Variants in SIRPA observed in about 807,000 individuals in gnomAD.
SIRPA encodes signal regulatory protein alpha, also known as tyrosine-protein phosphatase non-receptor type substrate 1.
Under a neutral mutation model 50.3 loss-of-function variants are expected in SIRPA, and 9 were observed. The observed-to-expected ratio is 0.18, with a 90% confidence interval of 0.11 to 0.31. The LOEUF (loss-of-function observed/expected upper bound fraction) is 0.31. Among genes scored for constraint, SIRPA ranks in the 10% least tolerant of loss-of-function variants. The pLI, the probability that SIRPA is intolerant of heterozygous loss-of-function variation, is 1.00. For missense variants in SIRPA, 474 were observed against 661.6 expected, an observed-to-expected ratio of 0.72 and a Z score of 3.11; for synonymous variants, 265 against 284.1, an observed-to-expected ratio of 0.93 and a Z score of 0.68.
chr20:1,911,980 AACATAC>A (rs981270401), intron 1 of SIRPA, among the ~76,000 whole-genome samples: 2 of 152,174 alleles, frequency 1.3e-5, no homozygotes, highest in African/African-American at 4.8e-5. Context: ...TACTGGAAAA[AACATAC>A]ACATACACAG....
intron 1 of SIRPA, among the ~76,000 whole-genome samples, chr20:1,913,761 C>G (rs1985046204): frequency 6.6e-6 from 1 of 152,132 alleles, no homozygotes; most frequent in African/African-American, 2.4e-5. Context: ...TGTACCTCAC[C>G]TTGTTCAGAA....
Position 1,928,046 on chromosome 20 carries a change from C to G in SIRPA, c.1226+147C>G. Reference sequence around the variant, plus strand: ...TTCTCTCCTTTGTAACCTCCTCACACTGGGTCACGCTGTTTTTAATTATTG... The same window carrying G: ...TTCTCTCCTTTGTAACCTCCTCACAGTGGGTCACGCTGTTTTTAATTATTG... On this transcript the variant is annotated intron_variant, in intron 6 of 7. Transcript: ENST00000358771. This position sits in a 1 kb window ranked among gnomAD's most constrained non-coding sequence, Gnocchi z 4.9. The G allele has an allele frequency of 1.3e-6, 1 of 751,378 alleles. No homozygotes were observed. Among genetic ancestry groups the G allele is most frequent in the Non-Finnish European group, 2.4e-6 (1 of 423,178 alleles). The allele number at this position is 751,378 out of a possible 1,614,324, so 46.5% of individuals were successfully genotyped here.
Position 1,934,678 on chromosome 20 carries a change from G to A in SIRPA, c.1227-37G>A, listed in dbSNP as rs1208348313. The A allele has an allele frequency of 3.7e-6, 6 of 1,607,860 alleles. No individual in the cohort carries two copies. In the Admixed American group the frequency reaches 8.3e-5, roughly 22 times the overall value. On this transcript the variant is annotated intron_variant, in intron 6 of 7. Transcript: ENST00000358771. The surrounding 1 kb of genome is among the most constrained non-coding windows in gnomAD (Gnocchi z 4.6). ...AGTTTGCATGAGCACTTGAGATAGT[G>A]AGGGTATTTTTATCTGTGTGTCTCT... is the stretch of plus-strand genomic sequence containing the variant.
rs1174050314 is a variant in SIRPA at position 1,933,633 on chromosome 20, G to A, written c.1227-1082G>A. On this transcript the variant is annotated intron_variant, in intron 6 of 7. Coordinates refer to ENST00000358771, the MANE Select transcript of SIRPA (RefSeq NM_001040023.2). The surrounding 1 kb of genome is among the most constrained non-coding windows in gnomAD (Gnocchi z 4.4). ...CCCCTGCTCCTGGAGGGTTCTTTCTGTGGCCACGTGGGGCTTGTCATGTCT... is the reference window on the plus strand; with the variant it reads ...CCCCTGCTCCTGGAGGGTTCTTTCTATGGCCACGTGGGGCTTGTCATGTCT... Among the ~76,000 whole-genome samples the A allele has an allele frequency of 1.3e-5, 2 of 152,206 alleles. No homozygotes were observed. Among genetic ancestry groups the A allele is most frequent in the Non-Finnish European group, 2.9e-5 (2 of 68,048 alleles).
intron 2 of SIRPA, among the ~76,000 whole-genome samples, chr20:1,916,108 T>C (rs1985271479): frequency 6.6e-6 from 1 of 152,200 alleles, no homozygotes; most frequent in Non-Finnish European, 1.5e-5. Context: ...GATTCATGCG[T>C]CACTAAAGGC....
At chr20:1,919,707 G>A (rs1413857292) in intron 2 of SIRPA, among the ~76,000 whole-genome samples, 1 of 152,122 alleles carries the variant, frequency 6.6e-6, no homozygotes, top group Non-Finnish European at 1.5e-5. Flanking sequence ...CCTTTAAAAT[G>A]CTTCCAGCTT....
In SIRPA at chr20:1,932,712, CAG is replaced by C. The variant is rs1282368544; in HGVS notation, c.1227-2002_1227-2001del. Among the ~76,000 whole-genome samples, 7 of 152,094 alleles carry C rather than the reference CAG, an allele frequency of 4.6e-5. No homozygotes were observed. The highest frequency in any genetic ancestry group is 2.1e-4 in the South Asian group (1 of 4,820). On this transcript the variant is annotated intron_variant, in intron 6 of 7. Coordinates refer to ENST00000358771, the MANE Select transcript of SIRPA (RefSeq NM_001040023.2). This position sits in a 1 kb window ranked among gnomAD's most constrained non-coding sequence, Gnocchi z 6.0. ...ATCAAGGAGGAGGTTCTTCAGGAAT[CAG>C]GGGAGTTCGGATGGTGGAGAGGATG...
intron 1 of SIRPA, among the ~76,000 whole-genome samples, chr20:1,910,892 T>C (rs1984849917): frequency 6.6e-6 from 1 of 152,248 alleles, no homozygotes; most frequent in South Asian, 2.1e-4. Context: ...GTCATGATCA[T>C]ACAGAGGGTA....
intron 1 of SIRPA, among the ~76,000 whole-genome samples, chr20:1,902,829 T>C (rs1012496147): frequency 2.0e-5 from 3 of 152,058 alleles, no homozygotes; most frequent in African/African-American, 7.2e-5. Context: ...CTGGCCAACA[T>C]GGCGAAATCC....
In SIRPA at chr20:1,927,696, C is replaced by A. The variant is rs1986062888; in HGVS notation, c.1202-179C>A. ...ACCATCTAGCTTACTCCTTCCCAGG[C>A]TTCCTTGGTGGAAGAGGATGCCCAC... On this transcript the variant is annotated intron_variant, in intron 5 of 7. Coordinates refer to ENST00000358771, the MANE Select transcript of SIRPA (RefSeq NM_001040023.2). This position sits in a 1 kb window ranked among gnomAD's most constrained non-coding sequence, Gnocchi z 6.5. Among the ~76,000 whole-genome samples the A allele has an allele frequency of 6.6e-6, 1 of 152,242 alleles. No homozygotes were observed. Among genetic ancestry groups the A allele is most frequent in the South Asian group, 2.1e-4 (1 of 4,834 alleles).
Position 1,927,661 on chromosome 20 carries a change from G to A in SIRPA, c.1202-214G>A, listed in dbSNP as rs1209281751. Among the ~76,000 whole-genome samples the A allele has an allele frequency of 6.6e-6, 1 of 152,224 alleles. No homozygotes were observed. Among genetic ancestry groups the A allele is most frequent in the African/African-American group, 2.4e-5 (1 of 41,454 alleles). On this transcript the variant is annotated intron_variant, in intron 5 of 7. Transcript: ENST00000358771. The surrounding 1 kb of genome is among the most constrained non-coding windows in gnomAD (Gnocchi z 6.5). ...GGACCCCTGGCAACTTCCAGAAGTG[G>A]AAAAGCAGGACCATCTAGCTTACTC...
chr20:1,913,201 A>G (rs982273713), intron 1 of SIRPA, among the ~76,000 whole-genome samples: 16 of 152,232 alleles, frequency 1.1e-4, no homozygotes, highest in Non-Finnish European at 1.8e-4. Flanking sequence ...AAGCAGGTGG[A>G]GTGGTCTTAG....
rs1229714911 is a variant in SIRPA, at chr20:1,937,881, T to C, written c.*313T>C. ...ACTCTTGTGCCTCCGTCCATCACCA[T>C]GTGGGTTTTGAAGACCCTCGACTGC... On this transcript the variant is annotated 3_prime_UTR_variant, in exon 8 of 8. Coordinates refer to ENST00000358771, the MANE Select transcript of SIRPA (RefSeq NM_001040023.2). This position sits in a 1 kb window ranked among gnomAD's most constrained non-coding sequence, Gnocchi z 8.3. The C allele has an allele frequency of 1.3e-5, 5 of 374,674 alleles. No homozygotes were observed. Among genetic ancestry groups the C allele is most frequent in the Admixed American group, 8.0e-5 (2 of 25,082 alleles). The allele number at this position is 374,674 out of a possible 1,614,324, so 23.2% of individuals were successfully genotyped here.
intron 6 of SIRPA, among the ~76,000 whole-genome samples, chr20:1,929,861 C>T (rs575384922): frequency 1.3e-5 from 2 of 152,292 alleles, no homozygotes; most frequent in South Asian, 4.1e-4. Flanking sequence ...CTACCTGTCC[C>T]TCCAGATAAA....
rs559643134 is a variant in SIRPA at position 1,898,853 on chromosome 20, A to G, written c.79+3327A>G. 2.0e-5 allele frequency among the ~76,000 whole-genome samples: 3 copies of G among 152,150 alleles called. No homozygotes were observed. The highest frequency in any genetic ancestry group is 7.2e-5 in the African/African-American group (3 of 41,510). On this transcript the variant is annotated intron_variant, in intron 1 of 7. Transcript: ENST00000358771. This position sits in a 1 kb window ranked among gnomAD's most constrained non-coding sequence, Gnocchi z 4.3. ...CCTTGGTCCTCACCAGTAACAACAC[A>G]TGAGAGGTGATGTGGCTCCTGTGAG...
chr20:1,910,643 A>G (rs1488606953), intron 1 of SIRPA, among the ~76,000 whole-genome samples: 1 of 152,232 alleles, frequency 6.6e-6, no homozygotes, highest in Non-Finnish European at 1.5e-5. Context: ...GTTCATTTAA[A>G]CAGTACACAT....
chr20:1,915,187 T>C lies in SIRPA; in HGVS notation c.168T>C (p.Thr56=), dbSNP rs770364264. The C allele has an allele frequency of 3.4e-5, 51 of 1,483,376 alleles. 2 individuals are homozygous for C. The highest frequency in any genetic ancestry group is 3.4e-4 in the Middle Eastern group (2 of 5,822). The allele number at this position is 1,483,376 out of a possible 1,614,324, so 91.9% of individuals were successfully genotyped here. A position where few individuals can be genotyped will look rare whatever the true frequency, so the allele number is the denominator to read the frequency against. The part of the protein sequence containing the change: ...AAGETATLRC[T]ATSLIPVGPI... ...GAGAGACAGCCACTCTGCGCTGCAC[T>C]GCGACCTCTCTGATCCCTGTGGGGC... Residue 56 remains threonine, a synonymous_variant, in exon 2 of 8, where the codon ACT becomes ACC. Transcript: ENST00000358771.
rs574035191 is a variant in SIRPA, at chr20:1,932,633, T to C, written c.1227-2082T>C. ...CAGAAAAGTAACATGACATCACTTATGCATTTCAGATAGGGAGAATGGAGG... is the reference window on the plus strand; with the variant it reads ...CAGAAAAGTAACATGACATCACTTACGCATTTCAGATAGGGAGAATGGAGG... On this transcript the variant is annotated intron_variant, in intron 6 of 7. Coordinates refer to ENST00000358771, the MANE Select transcript of SIRPA (RefSeq NM_001040023.2). This position sits in a 1 kb window ranked among gnomAD's most constrained non-coding sequence, Gnocchi z 6.0. 6.6e-5 allele frequency among the ~76,000 whole-genome samples: 10 copies of C among 152,110 alleles called. No individual in the cohort carries two copies. The highest frequency in any genetic ancestry group is 1.5e-4 in the Non-Finnish European group (10 of 68,024).
rs542233112 is a variant in SIRPA, at chr20:1,933,385, C to T, written c.1227-1330C>T. Among the ~76,000 whole-genome samples the T allele has an allele frequency of 1.4e-5, 2 of 147,500 alleles. No individual in the cohort carries two copies. The highest frequency in any genetic ancestry group is 6.8e-5 in the Admixed American group (1 of 14,636). The stretch of plus-strand genomic sequence containing the variant: ...GAGGCTGCTATTGAAGCATGAAGTA[C>T]ATAACATCAAATGCCACCCCCCCCC... On this transcript the variant is annotated intron_variant, in intron 6 of 7. Coordinates refer to ENST00000358771, the MANE Select transcript of SIRPA (RefSeq NM_001040023.2). The surrounding 1 kb of genome is among the most constrained non-coding windows in gnomAD (Gnocchi z 4.4).
Sources: allele counts gnomAD v4.1 joint callset (sites outside exome capture counted in the v4.1 genomes callset), GRCh38; gene constraint gnomAD v4.1.1; non-coding constraint Gnocchi (gnomAD v3.1); transcripts MANE v1.5; gene names NCBI Gene and HGNC (gene_info 2026-07-23, HGNC 2026-07-21).